TMEM163: variants seen among roughly 807,000 people sequenced by gnomAD.
The protein encoded by TMEM163 is transmembrane protein 163.
TMEM163 carries 17 observed loss-of-function variants against 29.3 expected under a neutral mutation model. The ratio of observed to expected loss-of-function variants is 0.58; its 90% CI spans 0.40 to 0.87. TMEM163 has a LOEUF of 0.87. TMEM163 is among the 40% of genes least tolerant of loss of function. TMEM163 has a pLI of 0.00. For missense variants in TMEM163, 303 were observed against 381.5 expected (o/e 0.79, Z 1.71); for synonymous variants, 157 against 160.6 (o/e 0.98, Z 0.17).
intron 5 of TMEM163, among the ~76,000 whole-genome samples, chr2:134,479,782 C>T (rs1360282892): frequency 1.3e-5 from 2 of 152,204 alleles, no homozygotes; most frequent in African/African-American, 2.4e-5. Flanking sequence ...AAGCTCAGGG[C>T]TCCCAACCAT....
At chr2:134,702,535 C>G (rs2104892979) in intron 2 of TMEM163, among the ~76,000 whole-genome samples, 2 of 152,228 alleles carry the variant, frequency 1.3e-5, no homozygotes, top group South Asian at 4.1e-4. Flanking sequence ...GTCCCAGCTA[C>G]TTGGGAGGCT....
At chr2:134,560,408 T>C (rs1020058790) in intron 2 of TMEM163, among the ~76,000 whole-genome samples, 5 of 152,060 alleles carry the variant, frequency 3.3e-5, no homozygotes, top group Admixed American at 2.6e-4. Context: ...ATTAACACCT[T>C]CCCCTTAGCT....
At chr2:134,671,746 C>T (rs969986228) in intron 2 of TMEM163, among the ~76,000 whole-genome samples, 1 of 152,204 alleles carries the variant, frequency 6.6e-6, no homozygotes, top group Non-Finnish European at 1.5e-5. Flanking sequence ...CAGCCCCACC[C>T]CTGAGGGGCT....
chr2:134,647,723 G>A (rs1305708767), intron 2 of TMEM163, among the ~76,000 whole-genome samples: 1 of 152,206 alleles, frequency 6.6e-6, no homozygotes, highest in East Asian at 1.9e-4. Flanking sequence ...GTGGAAACTG[G>A]AGTGCACGGG....
At chr2:134,561,571 G>A (rs766389786) in intron 2 of TMEM163, among the ~76,000 whole-genome samples, 1 of 152,110 alleles carries the variant, frequency 6.6e-6, no homozygotes, top group Non-Finnish European at 1.5e-5. Flanking sequence ...GGATGGTCTC[G>A]ATCTCCTGAC....
chr2:134,485,281 A>G (rs528587583), intron 5 of TMEM163, among the ~76,000 whole-genome samples: 1 of 152,352 alleles, frequency 6.6e-6, no homozygotes, highest in East Asian at 1.9e-4. Context: ...CAAGTATGGA[A>G]TATCTCATGT....
intron 2 of TMEM163, among the ~76,000 whole-genome samples, chr2:134,587,689 C>T (rs898609063): frequency 8.5e-5 from 13 of 152,180 alleles, no homozygotes; most frequent in Non-Finnish European, 1.6e-4. Flanking sequence ...CCAAAGAGAT[C>T]CAAAGGCTTC....
At chr2:134,518,400 AC>A (rs1322393355) in intron 4 of TMEM163, among the ~76,000 whole-genome samples, 1 of 152,236 alleles carries the variant, frequency 6.6e-6, no homozygotes, top group East Asian at 1.9e-4. Flanking sequence ...GTAAAAGATC[AC>A]AATCACACCA....
chr2:134,677,778 T>C (rs999689355), intron 2 of TMEM163, among the ~76,000 whole-genome samples: 1 of 152,258 alleles, frequency 6.6e-6, no homozygotes, highest in Non-Finnish European at 1.5e-5. Flanking sequence ...TATTTTGTAG[T>C]AATTAACTCT....
intron 2 of TMEM163, among the ~76,000 whole-genome samples, chr2:134,704,646 C>A (rs536238252): frequency 6.6e-6 from 1 of 152,146 alleles, no homozygotes; most frequent in South Asian, 2.1e-4. Flanking sequence ...TATCGACCTA[C>A]GAAAATTCCA....
rs72972268 is a variant in TMEM163 at position 134,713,128 on chromosome 2, C to T, written c.322+72G>A. ...TAATAGTCAACTAAAAGCAAAAGCA[C>T]ATCCCACAGGAATTAGAGAATAAAA... On this transcript the variant is annotated intron_variant, in intron 2 of 7. Coordinates refer to ENST00000281924, the MANE Select transcript of TMEM163 (RefSeq NM_030923.5). 7.5e-3 allele frequency: 11,709 copies of T among 1,565,272 alleles called. 672 individuals are homozygous for T. In the African/African-American group the frequency reaches 0.13, roughly 18 times the overall value.
chr2:134,686,295 A>G (rs1216891625), intron 2 of TMEM163, among the ~76,000 whole-genome samples: 2 of 152,222 alleles, frequency 1.3e-5, no homozygotes, highest in Non-Finnish European at 2.9e-5. Flanking sequence ...CAGCAGGTGG[A>G]GGAAGGGAGA....
intron 2 of TMEM163, among the ~76,000 whole-genome samples, chr2:134,588,929 A>T (rs1681880008): frequency 6.6e-6 from 1 of 152,158 alleles, no homozygotes; most frequent in African/African-American, 2.4e-5. Flanking sequence ...CAAACAAAGG[A>T]GTAGGGGCTT....
At chr2:134,570,392 CA>C (rs1334966743) in intron 2 of TMEM163, among the ~76,000 whole-genome samples, 1 of 152,056 alleles carries the variant, frequency 6.6e-6, no homozygotes, top group Non-Finnish European at 1.5e-5. Context: ...TCAGGTTCAG[CA>C]CTATCCAAGC....
At chr2:134,710,115 T>C (rs1015638323) in intron 2 of TMEM163, among the ~76,000 whole-genome samples, 3 of 152,028 alleles carry the variant, frequency 2.0e-5, no homozygotes, top group Non-Finnish European at 4.4e-5. Context: ...CCCTAAAGAG[T>C]ATAAGAGCAA....
At chr2:134,568,703 AAAAG>A (rs935726599) in intron 2 of TMEM163, among the ~76,000 whole-genome samples, 7 of 152,084 alleles carry the variant, frequency 4.6e-5, no homozygotes, top group African/African-American at 1.4e-4. Flanking sequence ...GAAAGAAAGA[AAAAG>A]AAAGAAACAA....
intron 2 of TMEM163, among the ~76,000 whole-genome samples, chr2:134,665,925 A>G (rs139775981): frequency 1.3e-5 from 2 of 152,310 alleles, no homozygotes; most frequent in East Asian, 3.9e-4. Context: ...TTTGTGACTG[A>G]AAACTGCTTT....
intron 2 of TMEM163, among the ~76,000 whole-genome samples, chr2:134,651,279 T>A (rs1187499735): frequency 7.3e-6 from 1 of 136,344 alleles, no homozygotes; most frequent in Non-Finnish European, 1.5e-5. Flanking sequence ...TTGATTTGCA[T>A]TTCTCTGATG....
chr2:134,582,946 G>A (rs1164044753), intron 2 of TMEM163, among the ~76,000 whole-genome samples: 2 of 152,142 alleles, frequency 1.3e-5, no homozygotes, highest in Non-Finnish European at 2.9e-5. Flanking sequence ...CCACATATAT[G>A]CTAAGAGATC....
Sources: allele counts gnomAD v4.1 joint callset (sites outside exome capture counted in the v4.1 genomes callset), GRCh38; gene constraint gnomAD v4.1.1; transcripts MANE v1.5; gene names NCBI Gene and HGNC (gene_info 2026-07-23, HGNC 2026-07-21).